CSDE1: variants seen among roughly 807,000 people sequenced by gnomAD.
CSDE1 encodes the protein cold shock domain containing E1.
In CSDE1, 17 loss-of-function variants were observed where a neutral mutation model predicts 89.3. The ratio of observed to expected loss-of-function variants is 0.19; its 90% CI spans 0.13 to 0.29. The LOEUF is 0.29. Ranked by LOEUF, CSDE1 falls within the 10% of genes least tolerant of loss-of-function variation. CSDE1 has a pLI of 1.00. For synonymous variants in CSDE1, 322 were observed against 332.8 expected, an observed-to-expected ratio of 0.97 and a Z score of 0.35; for missense variants, 672 against 984.2, an observed-to-expected ratio of 0.68 and a Z score of 4.24.
intron 2 of CSDE1, among the ~76,000 whole-genome samples, chr1:114,743,800 GA>G (rs1049678991): frequency 9.0e-4 from 137 of 152,100 alleles, no homozygotes; most frequent in African/African-American, 3.2e-3. Context: ...CAAAAGAGTT[GA>G]AAAAGCCTTC....
At chr1:114,752,154 T>A (rs968702082) in intron 1 of CSDE1, among the ~76,000 whole-genome samples, 2 of 152,078 alleles carry the variant, frequency 1.3e-5, no homozygotes, top group African/African-American at 4.8e-5. Flanking sequence ...GAGCCTCAGC[T>A]ACTTAGGACT....
chr1:114,727,696 T>C (rs1376044896), intron 12 of CSDE1: 3 of 152,174 alleles, frequency 2.0e-5, no homozygotes, highest in African/African-American at 7.2e-5. Flanking sequence ...CGTGTAAGAA[T>C]GATTAACTCT....
Position 114,749,847 on chromosome 1 carries a change from T to C in CSDE1, c.-27A>G, listed in dbSNP as rs1238460416. On this transcript the variant is annotated 5_prime_UTR_variant, in exon 2 of 20. Transcript: ENST00000358528. ...TCGCAGTGATACTCAAATATTGCAC[T>C]TTCAGTAGTATTTGCTGATTCTTCT... 6.6e-6 allele frequency: 1 copy of C among 152,654 alleles called. No homozygotes were observed. The highest frequency in any genetic ancestry group is 1.5e-5 in the Non-Finnish European group (1 of 68,040). The allele number at this position is 152,654 out of a possible 1,614,324, so 9.5% of individuals were successfully genotyped here.
intron 12 of CSDE1, chr1:114,727,826 AT>A (rs1197363667): frequency 2.6e-5 from 4 of 152,130 alleles, no homozygotes; most frequent in African/African-American, 4.8e-5. Context: ...GACTAAAAAA[AT>A]AAAAGTCTAA....
intron 17 of CSDE1, chr1:114,720,286 T>A: frequency 2.6e-6 from 1 of 386,804 alleles, no homozygotes; most frequent in Non-Finnish European, 4.6e-6. Context: ...TCTGGAAATC[T>A]CACCCCTAAC....
intron 13 of CSDE1, 31 bp from the exon 14 acceptor site, chr1:114,726,417 A>C (rs771927931): frequency 6.4e-7 from 1 of 1,570,942 alleles, no homozygotes. Context: ...CATTAACACC[A>C]TATCACTTCC....
intron 6 of CSDE1, among the ~76,000 whole-genome samples, chr1:114,735,901 G>A (rs1229298134): frequency 6.6e-6 from 1 of 151,990 alleles, no homozygotes; most frequent in African/African-American, 2.4e-5. Context: ...GACTTAATAG[G>A]TCTAAGTCTC....
chr1:114,751,104 A>G (rs1253020545), intron 1 of CSDE1, among the ~76,000 whole-genome samples: 1 of 152,076 alleles, frequency 6.6e-6, no homozygotes, highest in East Asian at 1.9e-4. Context: ...GTTTTTGATG[A>G]AAGTGGTATT....
At chr1:114,723,695 A>G (rs1216930555) in intron 16 of CSDE1, among the ~76,000 whole-genome samples, 188 bp downstream of exon 16, 1 of 152,222 alleles carries the variant, frequency 6.6e-6, no homozygotes, top group Admixed American at 6.5e-5. Context: ...CGTTTTCACT[A>G]TTTAAACCCA....
In CSDE1 at chr1:114,740,013, G is replaced by GT. The variant is rs1660634849; in HGVS notation, c.1-124_1-123insA. 6 of 717,416 alleles carry GT rather than the reference G, an allele frequency of 8.4e-6. No individual in the cohort carries two copies. The South Asian group carries it at 1.2e-4, about 14-fold the overall frequency. 44.4% of individuals were successfully genotyped at this position (717,416 alleles called of 1,614,324 possible). ...GCAAAAAAAAGTAAAATGAAGGGAAGATTATAGACTTTATTACTGCAGCAT... is the reference window on the plus strand; with the variant it reads ...GCAAAAAAAAGTAAAATGAAGGGAAGTATTATAGACTTTATTACTGCAGCAT... On this transcript the variant is annotated intron_variant, in intron 2 of 19. Transcript: ENST00000358528.
At chr1:114,744,407 C>T (rs907702239) in intron 2 of CSDE1, among the ~76,000 whole-genome samples, 28 of 152,076 alleles carry the variant, frequency 1.8e-4, no homozygotes, top group African/African-American at 6.3e-4. Context: ...TGGCAAAACC[C>T]TGTCTCTACA....
intron 13 of CSDE1, 126 bp downstream of exon 13, chr1:114,726,857 T>C (rs1354946513): frequency 6.6e-6 from 4 of 609,298 alleles, no homozygotes; most frequent in South Asian, 4.5e-5. Context: ...AAGATATTCA[T>C]GTATTTCTCT....
At position 114,723,901 on chromosome 1, in the gene CSDE1, T is replaced by C. The variant is rs760903208; in HGVS notation, c.1855A>G (p.Ile619Val). The change falls in exon 16 of 20, where the codon ATT (isoleucine) becomes GTT (valine). Residue 619 changes from isoleucine to valine, a missense_variant. Physicochemically the swap from Ile to Val is conservative, Grantham distance 29 (BLOSUM62 3). Around this residue, in one of 8 missense-constraint regions of CSDE1, gnomAD observed 206 missense variants for 332.4 expected, o/e 0.62. Transcript: ENST00000358528. ...TCCTTACCCTCCTCCACAATCTCAA[T>C]CATTCCTTGGTACTCAGTCTGTGTT... ...DPTQTEYQGMIEIVEEGDMKG... is the reference protein window; with the variant it reads ...DPTQTEYQGMVEIVEEGDMKG... 1.9e-6 allele frequency: 3 copies of C among 1,614,020 alleles called. No homozygotes were observed. In the African/African-American group the frequency reaches 4.0e-5, roughly 22 times the overall value.
Position 114,749,872 on chromosome 1 carries a change from T to G in CSDE1, c.-52A>C, listed in dbSNP as rs533555520. ...TTTCAGTAGTATTTGCTGATTCTTC[T>G]TTTTCAGCACACGTTTCAAAGGATG... On this transcript the variant is annotated 5_prime_UTR_variant, in exon 2 of 20. Coordinates refer to ENST00000358528, the MANE Select transcript of CSDE1 (RefSeq NM_001007553.3). 7.2e-5 allele frequency: 11 copies of G among 152,758 alleles called. No homozygotes were observed. Among genetic ancestry groups the G allele is most frequent in the Admixed American group, 3.3e-4 (5 of 15,302 alleles). The allele number at this position is 152,758 out of a possible 1,614,324, so 9.5% of individuals were successfully genotyped here.
intron 2 of CSDE1, among the ~76,000 whole-genome samples, chr1:114,744,835 T>C (rs991358530): frequency 2.0e-5 from 3 of 152,114 alleles, no homozygotes; most frequent in African/African-American, 4.8e-5. Flanking sequence ...TATAAGCTTC[T>C]TGAGGGGCAG....
chr1:114,719,497 A>G (rs976836281), intron 18 of CSDE1, 82 bp downstream of exon 18: 2 of 1,365,196 alleles, frequency 1.5e-6, no homozygotes, highest in Non-Finnish European at 2.0e-6. Context: ...CAAGGCACAG[A>G]AAAGTGATGT....
chr1:114,721,371 AAGGCC>A (rs531813255), intron 16 of CSDE1, among the ~76,000 whole-genome samples: 18 of 152,332 alleles, frequency 1.2e-4, no homozygotes, highest in African/African-American at 4.3e-4. Context: ...ATCACAAGAA[AAGGCC>A]ACCATATATG....
intron 19 of CSDE1, among the ~76,000 whole-genome samples, 179 bp from the exon 20 acceptor site, chr1:114,718,395 A>G (rs1659320557): frequency 6.6e-6 from 1 of 152,222 alleles, no homozygotes; most frequent in South Asian, 2.1e-4. Flanking sequence ...TTCATTACCT[A>G]AACTGTCTTC....
intron 10 of CSDE1, among the ~76,000 whole-genome samples, chr1:114,732,198 T>C (rs1254331746): frequency 1.3e-5 from 2 of 152,122 alleles, no homozygotes; most frequent in Admixed American, 6.6e-5. Flanking sequence ...GGGTGTTCAA[T>C]CTTTTGGCTT....
Sources: gnomAD v4.1 joint callset for allele counts (sites outside exome capture counted in the v4.1 genomes callset) on GRCh38, gnomAD v4.1.1 for gene constraint, gnomAD v4.1.1 regional missense constraint, MANE v1.5 for transcripts, NCBI Gene and HGNC (gene_info 2026-07-23, HGNC 2026-07-21) for gene names.